The following CDK17 variants were observed in gnomAD, a reference collection of about 807,000 sequenced individuals.
The protein encoded by CDK17 is cyclin dependent kinase 17, also known as cyclin-dependent kinase 17.
Under a neutral mutation model 77.6 loss-of-function variants are expected in CDK17, and 24 were observed. That is an observed-to-expected ratio of 0.31 (90% CI 0.22 to 0.44). The LOEUF (loss-of-function observed/expected upper bound fraction) is 0.44, where lower values mean the gene tolerates loss of function less well. Ranked by LOEUF, CDK17 falls within the 20% of genes least tolerant of loss-of-function variation. The pLI, the probability that CDK17 is intolerant of heterozygous loss-of-function variation, is 1.00. For missense variants in CDK17, 429 were observed against 622.5 expected (o/e 0.69, Z 3.31); for synonymous variants, 203 against 210.4 (o/e 0.96, Z 0.30).
intron 1 of CDK17, among the ~76,000 whole-genome samples, chr12:96,369,750 G>A (rs1188286849): frequency 6.6e-6 from 1 of 152,124 alleles, no homozygotes; most frequent in Non-Finnish European, 1.5e-5. Context: ...CTGGGCTCCA[G>A]CCTGGGCGAG....
chr12:96,366,733 A>T (rs921925234), intron 1 of CDK17, among the ~76,000 whole-genome samples: 2 of 152,188 alleles, frequency 1.3e-5, no homozygotes, highest in African/African-American at 4.8e-5. Context: ...CAGTGGTCTT[A>T]TAAGGATTTA....
At chr12:96,303,770 G>T (rs1191157835) in intron 5 of CDK17, among the ~76,000 whole-genome samples, 2 of 151,964 alleles carry the variant, frequency 1.3e-5, no homozygotes, top group Non-Finnish European at 1.5e-5. Flanking sequence ...GAAACTTTTT[G>T]TTTACTTTGG....
intron 1 of CDK17, among the ~76,000 whole-genome samples, chr12:96,346,032 G>C (rs1953205817): frequency 6.6e-6 from 1 of 152,150 alleles, no homozygotes; most frequent in South Asian, 2.1e-4. Context: ...CCTAAATGCT[G>C]TCTATAAGAG....
rs1232003709 is a variant in CDK17 at position 96,305,787 on chromosome 12, T to G, written c.543+5265A>C. 3.3e-5 allele frequency among the ~76,000 whole-genome samples: 5 copies of G among 152,152 alleles called. No homozygotes were observed. In the East Asian group the frequency reaches 9.6e-4, roughly 29 times the overall value. On this transcript the variant is annotated intron_variant, in intron 5 of 16. Coordinates refer to ENST00000261211, the MANE Select transcript of CDK17 (RefSeq NM_002595.5). ...AGGCTGGAGTGCAGTGGTGCAATCATGGCTCACCACAACCTCATCCTCTTG... is the reference window on the plus strand; with the variant it reads ...AGGCTGGAGTGCAGTGGTGCAATCAGGGCTCACCACAACCTCATCCTCTTG...
Position 96,334,739 on chromosome 12 carries a change from T to C in CDK17, c.98A>G (p.Glu33Gly). 6.2e-7 allele frequency: 1 copy of C among 1,600,184 alleles called. No homozygotes were observed. Among genetic ancestry groups the C allele is most frequent in the Non-Finnish European group, 8.6e-7 (1 of 1,167,702 alleles). The change falls in exon 2 of 17, where the codon GAA becomes GGA. Residue 33 changes from glutamate to glycine, a missense_variant. Around this residue, in one of 4 missense-constraint regions of CDK17, gnomAD observed 262 missense variants for 385.4 expected, o/e 0.68. Transcript: ENST00000261211. ...SELAEQMTIE[E>G]NSSKDNEPIV... The stretch of plus-strand genomic sequence containing the variant: ...TTTACCATTATCCTTGCTGCTGTTT[T>C]CTTCAATAGTCATTTGTTCAGCCAA...
intron 1 of CDK17, among the ~76,000 whole-genome samples, chr12:96,356,619 T>C (rs1387325229): frequency 6.6e-6 from 1 of 152,162 alleles, no homozygotes; most frequent in African/African-American, 2.4e-5. Context: ...ATCAAGACAT[T>C]ATAGTTCACT....
chr12:96,328,921 T>C (rs935629645), intron 2 of CDK17, among the ~76,000 whole-genome samples: 3 of 152,104 alleles, frequency 2.0e-5, no homozygotes, highest in Admixed American at 2.0e-4. Flanking sequence ...TACAATAAAA[T>C]ATTCTAACAC....
Position 96,298,858 on chromosome 12 carries a change from AATT to A in CDK17, c.715+8_715+10del, listed in dbSNP as rs1952453937. ...ACTTTGATTTTAAAATGTTCTGTAT[AATT>A]ATTATACCTTCTCTTATAGCTGTGC... On this transcript the variant is annotated splice_region_variant and intron_variant, in intron 7 of 16. Coordinates refer to ENST00000261211, the MANE Select transcript of CDK17 (RefSeq NM_002595.5). 5 of 1,410,990 alleles carry A rather than the reference AATT, an allele frequency of 3.5e-6. No homozygotes were observed. The highest frequency in any genetic ancestry group is 5.0e-6 in the Non-Finnish European group (5 of 1,008,966). The allele number at this position is 1,410,990 out of a possible 1,614,324, so 87.4% of individuals were successfully genotyped here.
intron 1 of CDK17, among the ~76,000 whole-genome samples, chr12:96,394,037 G>A (rs1467572297): frequency 6.6e-6 from 1 of 151,924 alleles, no homozygotes; most frequent in African/African-American, 2.4e-5. Flanking sequence ...CATGAGGTCA[G>A]GAGCTCAAGA....
chr12:96,304,729 T>C (rs1388965782), intron 5 of CDK17, among the ~76,000 whole-genome samples: 7 of 152,200 alleles, frequency 4.6e-5, no homozygotes, highest in African/African-American at 1.7e-4. Flanking sequence ...GCTATTATCA[T>C]CACCACAATA....
chr12:96,305,654 G>A (rs1437347490), intron 5 of CDK17, among the ~76,000 whole-genome samples: 3 of 151,930 alleles, frequency 2.0e-5, no homozygotes, highest in Admixed American at 2.0e-4. Context: ...GAACAGAATG[G>A]GTATATGCAT....
chr12:96,280,516 C>A, intron 16 of CDK17: 1 of 1,406,706 alleles, frequency 7.1e-7, no homozygotes, highest in Non-Finnish European at 9.2e-7. Flanking sequence ...GCCTCAGGTA[C>A]CAGGGATGGC....
chr12:96,359,631 C>T (rs1953462558), intron 1 of CDK17, among the ~76,000 whole-genome samples: 1 of 152,096 alleles, frequency 6.6e-6, no homozygotes, highest in South Asian at 2.1e-4. Flanking sequence ...AAGAATATAG[C>T]TAAACAATTT....
At chr12:96,348,986 A>T (rs1242470171) in intron 1 of CDK17, among the ~76,000 whole-genome samples, 1 of 152,226 alleles carries the variant, frequency 6.6e-6, no homozygotes, top group African/African-American at 2.4e-5. Flanking sequence ...AAACAAAGAC[A>T]TCGTAAGAAA....
intron 1 of CDK17, among the ~76,000 whole-genome samples, chr12:96,358,787 T>C (rs910948741): frequency 6.6e-6 from 1 of 152,148 alleles, no homozygotes; most frequent in Non-Finnish European, 1.5e-5. Flanking sequence ...ATCAAGCCAC[T>C]GCACTCCTGC....
At chr12:96,302,745 G>A (rs1219125050) in intron 5 of CDK17, among the ~76,000 whole-genome samples, 1 of 152,034 alleles carries the variant, frequency 6.6e-6, no homozygotes, top group Non-Finnish European at 1.5e-5. Context: ...AGGGTCCAAT[G>A]GTTACTATGA....
rs1011636908 is a variant in CDK17, at chr12:96,338,446, C to T, written c.-29-3581G>A. 8.5e-5 allele frequency among the ~76,000 whole-genome samples: 13 copies of T among 152,280 alleles called. No homozygotes were observed. The East Asian group carries it at 9.6e-4, about 11-fold the overall frequency. ...ATGGGTTGGTCTTGGGGATTCCCAACGCACACTCCAAGAAATCTACGTGCC... is the reference window on the plus strand; with the variant it reads ...ATGGGTTGGTCTTGGGGATTCCCAATGCACACTCCAAGAAATCTACGTGCC... On this transcript the variant is annotated intron_variant, in intron 1 of 16. Coordinates refer to ENST00000261211, the MANE Select transcript of CDK17 (RefSeq NM_002595.5).
chr12:96,386,734 GA>G (rs1184278031), intron 1 of CDK17: 1 of 152,290 alleles, frequency 6.6e-6, no homozygotes, highest in Non-Finnish European at 1.5e-5. Flanking sequence ...TTTTTTGATA[GA>G]AAAAAATTTA....
intron 1 of CDK17, among the ~76,000 whole-genome samples, chr12:96,394,261 T>G (rs1367929026): frequency 6.6e-6 from 1 of 151,622 alleles, no homozygotes; most frequent in African/African-American, 2.4e-5. Flanking sequence ...AAAAAAAAAT[T>G]TCTCACAAGT....
Sources: allele counts gnomAD v4.1 joint callset (sites outside exome capture counted in the v4.1 genomes callset), GRCh38; gene constraint gnomAD v4.1.1; regional missense constraint gnomAD v4.1.1; transcripts MANE v1.5; gene names NCBI Gene and HGNC (gene_info 2026-07-23, HGNC 2026-07-21).